MAP4K4: variants seen among roughly 807,000 people sequenced by gnomAD.
The protein encoded by MAP4K4 is HPK/GCK-like kinase HGK.
In MAP4K4, 38 loss-of-function variants were observed where a neutral mutation model predicts 189.6. The ratio of observed to expected loss-of-function variants is 0.20; its 90% confidence interval spans 0.15 to 0.26. The LOEUF (loss-of-function observed/expected upper bound fraction) is 0.26. Among genes scored for constraint, MAP4K4 ranks in the 10% least tolerant of loss-of-function variants. The pLI is 1.00. For missense variants in MAP4K4, 1,054 were observed against 1,726.9 expected, an observed-to-expected ratio of 0.61 and a Z score of 6.91; for synonymous variants, 610 against 624.3, an observed-to-expected ratio of 0.98 and a Z score of 0.34.
intron 2 of MAP4K4, among the ~76,000 whole-genome samples, chr2:101,726,210 A>G (rs2055296853): frequency 6.6e-6 from 1 of 152,226 alleles, no homozygotes; most frequent in South Asian, 2.1e-4. Flanking sequence ...GCTTGCAGCT[A>G]TTCACTTTGA....
In MAP4K4 at chr2:101,789,936, G is replaced by T. The variant is rs565195818; in HGVS notation, c.124-784G>T. Among the ~76,000 whole-genome samples the T allele has an allele frequency of 5.1e-4, 77 of 152,158 alleles. No homozygotes were observed. In the South Asian group the frequency reaches 0.013, roughly 26 times the overall value. On this transcript the variant is annotated intron_variant, in intron 2 of 32. Coordinates refer to ENST00000324219, the Ensembl canonical transcript of MAP4K4. The stretch of plus-strand genomic sequence containing the variant: ...TATAGGATTTTAGATTCCAGGTGAG[G>T]CATTATAATACAACTGTAAGAAACC...
chr2:101,858,040 C>G (rs1390975507), intron 13 of MAP4K4, among the ~76,000 whole-genome samples: 1 of 152,130 alleles, frequency 6.6e-6, no homozygotes, highest in Non-Finnish European at 1.5e-5. Context: ...ATGTTTTATG[C>G]TTTTCAAGGT....
intron 2 of MAP4K4, among the ~76,000 whole-genome samples, chr2:101,704,681 T>C (rs2041311945): frequency 6.7e-6 from 1 of 148,362 alleles, no homozygotes; most frequent in African/African-American, 2.5e-5. Context: ...CAAGCGACTC[T>C]CCTGAGTAGC....
At chr2:101,810,867 C>G (rs2095376667) in intron 3 of MAP4K4, among the ~76,000 whole-genome samples, 1 of 152,000 alleles carries the variant, frequency 6.6e-6, no homozygotes, top group Non-Finnish European at 1.5e-5. Context: ...AGTTTTTTGT[C>G]CAAGGCTTAC....
chr2:101,728,234 C>A (rs187620380), intron 2 of MAP4K4, among the ~76,000 whole-genome samples: 284 of 152,270 alleles, frequency 1.9e-3, no homozygotes, highest in Middle Eastern at 6.8e-3. Context: ...TGGTTCCTCT[C>A]CCCTGGGGGG....
At chr2:101,745,103 G>A (rs537043727) in intron 2 of MAP4K4, among the ~76,000 whole-genome samples, 1 of 152,264 alleles carries the variant, frequency 6.6e-6, no homozygotes, top group Admixed American at 6.5e-5. Context: ...TAGATAGAAT[G>A]ATGACGTTGG....
At chr2:101,861,908 CTG>C (rs2097668472) in intron 16 of MAP4K4, 1 of 147,884 alleles carries the variant, frequency 6.8e-6, no homozygotes, top group African/African-American at 2.5e-5. Context: ...TGGCAGGAAA[CTG>C]TGGGATCTGC....
chr2:101,738,171 T>C (rs1472960910), intron 2 of MAP4K4, among the ~76,000 whole-genome samples: 1 of 152,196 alleles, frequency 6.6e-6, no homozygotes, highest in Non-Finnish European at 1.5e-5. Flanking sequence ...GTACTTTTTT[T>C]TCTTCTCTGA....
chr2:101,870,698 A>G (rs1333039959), intron 23 of MAP4K4: 3 of 315,022 alleles, frequency 9.5e-6, no homozygotes, highest in African/African-American at 2.2e-5. Context: ...TGAGCGGGAG[A>G]GAAGCCACAG....
chr2:101,837,100 T>C (rs1032752846), intron 9 of MAP4K4, among the ~76,000 whole-genome samples: 1 of 109,674 alleles, frequency 9.1e-6, no homozygotes, highest in Admixed American at 8.5e-5. Context: ...ACTATATGGC[T>C]TTTTTTTTTT....
At position 101,893,020 on chromosome 2, in the gene MAP4K4, T is replaced by C. The variant is rs1416364475; in HGVS notation, c.*1771T>C. 1.5e-5 allele frequency: 7 copies of C among 456,334 alleles called. No homozygotes were observed. In the East Asian group the frequency reaches 4.8e-4, roughly 31 times the overall value. The allele number at this position is 456,334 out of a possible 1,614,324, so 28.3% of individuals were successfully genotyped here. A position where few individuals can be genotyped will look rare whatever the true frequency, so the allele number is the denominator to read the frequency against. On this transcript the variant is annotated 3_prime_UTR_variant, in exon 33 of 33. Transcript: ENST00000324219. ...CTTTTTCCTTTGTGGTTAATTTTCC[T>C]GTATATTGTGAAAATGGGGGATTTT...
At chr2:101,780,303 A>AT (rs1232341620) in intron 2 of MAP4K4, among the ~76,000 whole-genome samples, 2 of 152,018 alleles carry the variant, frequency 1.3e-5, no homozygotes, top group Non-Finnish European at 2.9e-5. Context: ...GAAACTTTCA[A>AT]TTTTTTTCTC....
At chr2:101,869,421 A>AT (rs200443244) in intron 21 of MAP4K4, among the ~76,000 whole-genome samples, 87 of 141,244 alleles carry the variant, frequency 6.2e-4, no homozygotes, top group African/African-American at 1.2e-3. Flanking sequence ...GGTGTCTTCT[A>AT]TTTTTTTTTT....
intron 3 of MAP4K4, among the ~76,000 whole-genome samples, chr2:101,805,072 C>CAAAAAAA (rs36081384): frequency 3.0e-4 from 17 of 56,394 alleles, no homozygotes; most frequent in South Asian, 5.6e-4. Context: ...GACTCCAGAT[C>CAAAAAAA]AAAAAAAAAA....
intron 2 of MAP4K4, among the ~76,000 whole-genome samples, chr2:101,769,597 T>TC (rs1455168027): frequency 2.0e-5 from 3 of 152,110 alleles, no homozygotes; most frequent in Admixed American, 6.5e-5. Flanking sequence ...TTCTTTTTTT[T>TC]TTTTGAGGTG....
chr2:101,853,736 A>G (rs925804691), intron 12 of MAP4K4, among the ~76,000 whole-genome samples: 1 of 152,094 alleles, frequency 6.6e-6, no homozygotes, highest in Non-Finnish European at 1.5e-5. Context: ...ACATATATAC[A>G]TACATCATCA....
At chr2:101,851,724 C>CTTTTTTTTTTTTTATTTTTTTTTT (rs2097290640) in intron 12 of MAP4K4, among the ~76,000 whole-genome samples, 1 of 67,904 alleles carries the variant, frequency 1.5e-5, no homozygotes, top group Non-Finnish European at 3.4e-5. Flanking sequence ...TAACTGTCCT[C>CTTTTTTTTTTTTTATTTTTTTTTT]TTTTTTTTTT....
chr2:101,879,831 C>CT (rs60874878), intron 27 of MAP4K4, among the ~76,000 whole-genome samples: 2,183 of 124,954 alleles, frequency 0.017, 27 homozygotes, highest in South Asian at 0.028. Flanking sequence ...TCAGCTGCTG[C>CT]TTTTTTTTTT....
intron 2 of MAP4K4, among the ~76,000 whole-genome samples, chr2:101,785,726 CTCT>C (rs2090604299): frequency 6.0e-4 from 5 of 8,334 alleles, no homozygotes; most frequent in Non-Finnish European, 5.8e-4. Context: ...CTCTCTCTCT[CTCT>C]CTCTCTCTCT....
Sources: allele counts gnomAD v4.1 joint callset (sites outside exome capture counted in the v4.1 genomes callset), GRCh38; gene constraint gnomAD v4.1.1; transcripts MANE v1.5; gene names NCBI Gene and HGNC (gene_info 2026-07-23, HGNC 2026-07-21).